The following DOK6 variants were observed in gnomAD, a reference collection of about 807,000 sequenced individuals.
The protein encoded by DOK6 is downstream of tyrosine kinase 6.
A neutral mutation model predicts 44.0 loss-of-function variants in DOK6; 22 were observed. The observed-to-expected ratio is 0.50, with a 90% CI of 0.36 to 0.71. The LOEUF is 0.71. Among genes scored for constraint, DOK6 ranks in the 30% least tolerant of loss-of-function variants. The pLI is 0.00. For synonymous variants in DOK6, 166 were observed against 145.5 expected (o/e 1.14, Z -1.01); for missense variants, 340 against 416.4 (o/e 0.82, Z 1.60).
chr18:69,835,673 C>T (rs1414108910), intron 7 of DOK6, among the ~76,000 whole-genome samples: 8 of 152,166 alleles, frequency 5.3e-5, no homozygotes, highest in Admixed American at 5.2e-4. Flanking sequence ...AGGATGACAG[C>T]GTCTCCTCTG....
At chr18:69,505,638 C>G (rs1568279213) in intron 1 of DOK6, among the ~76,000 whole-genome samples, 1 of 151,458 alleles carries the variant, frequency 6.6e-6, no homozygotes, top group Non-Finnish European at 1.5e-5. Flanking sequence ...GCTGGGACTA[C>G]AGGCGCCCAC....
rs1281754613 is a variant in DOK6, at chr18:69,809,189, C to T, written c.857-32055C>T. Among the ~76,000 whole-genome samples, 7 of 151,586 alleles carry T rather than the reference C, an allele frequency of 4.6e-5. No homozygotes were observed. The South Asian group carries it at 6.2e-4, about 13-fold the overall frequency. On this transcript the variant is annotated intron_variant, in intron 7 of 7. Transcript: ENST00000382713. ...AATGTAACATACCACATTAACAGAA[C>T]GAAGGACAAAAATTATATAATCATC...
intron 7 of DOK6, among the ~76,000 whole-genome samples, chr18:69,769,977 G>C (rs1168996892): frequency 6.6e-6 from 1 of 152,130 alleles, no homozygotes; most frequent in Admixed American, 6.6e-5. Flanking sequence ...GAAAATTTTT[G>C]TAGGAAGAAG....
intron 5 of DOK6, among the ~76,000 whole-genome samples, chr18:69,707,980 C>T (rs969518303): frequency 2.6e-5 from 4 of 152,256 alleles, no homozygotes; most frequent in Non-Finnish European, 4.4e-5. Context: ...CTCTCCACGA[C>T]GCACAGCACA....
chr18:69,634,833 T>C (rs1984766525), intron 3 of DOK6, among the ~76,000 whole-genome samples: 1 of 152,214 alleles, frequency 6.6e-6, no homozygotes, highest in Admixed American at 6.5e-5. Flanking sequence ...CAGATTCCTT[T>C]ACCATATTAC....
intron 7 of DOK6, among the ~76,000 whole-genome samples, chr18:69,772,979 C>G (rs745766911): frequency 4.6e-5 from 7 of 151,908 alleles, no homozygotes; most frequent in Non-Finnish European, 7.4e-5. Context: ...ATAAGGAACT[C>G]CTACAACTCA....
At chr18:69,580,076 T>A (rs1266125019) in intron 2 of DOK6, among the ~76,000 whole-genome samples, 1 of 152,184 alleles carries the variant, frequency 6.6e-6, no homozygotes, top group African/African-American at 2.4e-5. Context: ...TGCTACATAA[T>A]AAATCACCAC....
chr18:69,471,214 C>A (rs1980093799), intron 1 of DOK6, among the ~76,000 whole-genome samples: 1 of 129,014 alleles, frequency 7.8e-6, no homozygotes, highest in Non-Finnish European at 1.5e-5. Context: ...CGCGCCATTG[C>A]ACTCTAGCCT....
At chr18:69,424,165 G>C (rs1259685965) in intron 1 of DOK6, among the ~76,000 whole-genome samples, 1 of 152,152 alleles carries the variant, frequency 6.6e-6, no homozygotes, top group Non-Finnish European at 1.5e-5. Context: ...AGTTTGGTTA[G>C]GTTATATGCT....
chr18:69,474,984 A>G (rs1980220590), intron 1 of DOK6, among the ~76,000 whole-genome samples: 1 of 152,218 alleles, frequency 6.6e-6, no homozygotes, highest in Non-Finnish European at 1.5e-5. Context: ...ATGTTCTTAT[A>G]TCACAAAAAT....
chr18:69,643,772 C>G (rs1269539986), intron 3 of DOK6: 1 of 152,102 alleles, frequency 6.6e-6, no homozygotes, highest in Non-Finnish European at 1.5e-5. Context: ...GCTCAAGGGG[C>G]TAATTGCTGA....
intron 1 of DOK6, among the ~76,000 whole-genome samples, chr18:69,504,282 T>A (rs1981124628): frequency 6.6e-6 from 1 of 152,052 alleles, no homozygotes; most frequent in South Asian, 2.1e-4. Context: ...TCTCTAAGTC[T>A]TAATTGAAAC....
intron 5 of DOK6, among the ~76,000 whole-genome samples, chr18:69,706,910 A>G (rs1195609911): frequency 6.6e-6 from 1 of 151,886 alleles, no homozygotes; most frequent in Middle Eastern, 3.2e-3. Flanking sequence ...TATATGTGCC[A>G]CATTTTCTTA....
chr18:69,660,029 G>C (rs1985483413), intron 3 of DOK6: 1 of 150,982 alleles, frequency 6.6e-6, no homozygotes, highest in East Asian at 1.9e-4. Flanking sequence ...ATGATTTGGG[G>C]GTGTCTTCCT....
At chr18:69,834,866 C>A (rs1010253459) in intron 7 of DOK6, among the ~76,000 whole-genome samples, 1 of 152,118 alleles carries the variant, frequency 6.6e-6, no homozygotes, top group Non-Finnish European at 1.5e-5. Context: ...AGAGAGAAGA[C>A]ATTTAATTGA....
At chr18:69,560,034 C>T (rs1308639145) in intron 1 of DOK6, among the ~76,000 whole-genome samples, 5 of 152,040 alleles carry the variant, frequency 3.3e-5, no homozygotes, top group South Asian at 2.1e-4. Flanking sequence ...CTGTGGGATG[C>T]AGTTCAGTCA....
intron 1 of DOK6, among the ~76,000 whole-genome samples, chr18:69,553,688 T>C (rs1047428787): frequency 6.6e-5 from 10 of 152,202 alleles, no homozygotes; most frequent in Non-Finnish European, 1.3e-4. Context: ...AATCCCAGCT[T>C]GTCTCCCTTC....
intron 1 of DOK6, among the ~76,000 whole-genome samples, chr18:69,543,586 T>C (rs1026407802): frequency 6.6e-5 from 10 of 151,584 alleles, no homozygotes; most frequent in African/African-American, 2.2e-4. Flanking sequence ...AACCAATACA[T>C]TAATATCTTG....
At chr18:69,837,467 T>C (rs907127503) in intron 7 of DOK6, among the ~76,000 whole-genome samples, 7 of 151,802 alleles carry the variant, frequency 4.6e-5, no homozygotes, top group Non-Finnish European at 7.4e-5. Context: ...CACTGTTGCA[T>C]TGAAAATTAA....
Sources: allele counts gnomAD v4.1 joint callset (sites outside exome capture counted in the v4.1 genomes callset), GRCh38; gene constraint gnomAD v4.1.1; transcripts MANE v1.5; gene names NCBI Gene and HGNC (gene_info 2026-07-23, HGNC 2026-07-21).